The following NPHP3 variants were observed in gnomAD, a reference collection of about 807,000 sequenced individuals.
NPHP3 encodes the protein nephrocystin 3, also known as nephrocystin-3.
NPHP3 carries 123 observed loss-of-function variants against 171.9 expected under a neutral mutation model. The ratio of observed to expected loss-of-function variants is 0.72; its 90% confidence interval spans 0.62 to 0.83. The LOEUF is 0.83. Among genes scored for constraint, NPHP3 ranks in the 40% least tolerant of loss-of-function variants. The probability of loss-of-function intolerance (pLI) is 0.00; values close to 1 mark genes in which losing one functional copy is unlikely to be tolerated. For missense variants in NPHP3, 1,506 were observed against 1,591.9 expected, an observed-to-expected ratio of 0.95 and a Z score of 0.92; for synonymous variants, 558 against 579.2, an observed-to-expected ratio of 0.96 and a Z score of 0.52.
At chr3:132,686,222 T>C in intron 23 of NPHP3, 38 bp downstream of exon 23, 1 of 1,599,136 alleles carries the variant, frequency 6.3e-7, no homozygotes, top group East Asian at 2.2e-5. Flanking sequence ...AAAGAGAAAA[T>C]GGTTAATTAT....
At chr3:132,684,962 C>T (rs1192075489) in intron 23 of NPHP3, 168 bp from the exon 24 acceptor site, 1 of 736,962 alleles carries the variant, frequency 1.4e-6, no homozygotes, top group Non-Finnish European at 2.2e-6. Context: ...CCTATCTCTT[C>T]CTGCCCTTTT....
In NPHP3 at chr3:132,700,405, A is replaced by T; in HGVS notation, c.1672T>A (p.Ser558Thr). 1 of 1,613,416 alleles carries T rather than the reference A, an allele frequency of 6.2e-7. No homozygotes were observed. The highest frequency in any genetic ancestry group is 8.5e-7 in the Non-Finnish European group (1 of 1,179,596). The change falls in exon 11 of 27, where the codon TCC (serine) becomes ACC (threonine). Residue 558 changes from serine (S) to threonine (T), a missense_variant. Physicochemically the swap from Ser to Thr is moderately conservative, Grantham distance 58. Around this residue, in one of 3 missense-constraint regions of NPHP3, gnomAD observed 930 missense variants for 924.9 expected, o/e 1.01. Coordinates refer to ENST00000337331, the MANE Select transcript of NPHP3 (RefSeq NM_153240.5). ...GACATGGGCCTTCCCACAAAATGGG[A>T]AAGAATCAGTGTGTTGGGGGAATTC... ...QKNSPNTLIL[S>T]HFVGRPMSTS...
chr3:132,685,967 C>T, intron 23 of NPHP3: 1 of 341,860 alleles, frequency 2.9e-6, no homozygotes, highest in South Asian at 2.5e-5. Flanking sequence ...AGGAGAATAG[C>T]TTGAATGGGA....
In NPHP3 at chr3:132,701,547, T is replaced by A. The variant is rs757558245; in HGVS notation, c.1525-14A>T. ...GCGTTGGTAATACTAGAAAAAAAAATGAATTTACATTGTAAGGAAGCACAT... is the reference window on the plus strand; with the variant it reads ...GCGTTGGTAATACTAGAAAAAAAAAAGAATTTACATTGTAAGGAAGCACAT... On this transcript the variant is annotated splice_polypyrimidine_tract_variant and intron_variant, in intron 9 of 26. Coordinates refer to ENST00000337331, the MANE Select transcript of NPHP3 (RefSeq NM_153240.5). 2.0e-6 allele frequency: 3 copies of A among 1,526,832 alleles called. No homozygotes were observed. The highest frequency in any genetic ancestry group is 4.5e-5 in the East Asian group (2 of 44,376). The allele number at this position is 1,526,832 out of a possible 1,614,324, so 94.6% of individuals were successfully genotyped here.
chr3:132,682,009 C>A lies in NPHP3; in HGVS notation c.3894G>T (p.Leu1298Phe), dbSNP rs139304871. 6 of 1,614,018 alleles carry A rather than the reference C, an allele frequency of 3.7e-6. No homozygotes were observed. Among genetic ancestry groups the A allele is most frequent in the Non-Finnish European group, 4.2e-6 (5 of 1,179,882 alleles). The change falls in exon 27 of 27, where the codon TTG (leucine) becomes TTT (phenylalanine). Residue 1298 changes from leucine to phenylalanine, a missense_variant. By Grantham distance (22) the Leu-to-Phe change is conservative (BLOSUM62 0). Around this residue, in one of 3 missense-constraint regions of NPHP3, gnomAD observed 569 missense variants for 648.1 expected, o/e 0.88. Coordinates refer to ENST00000337331, the MANE Select transcript of NPHP3 (RefSeq NM_153240.5). Reference sequence around the variant, plus strand: ...AATGGCGTGAAGGAGCTTTTCCACCCAAGAGTGATGTTTCTGCTTCTTTTA... The same window carrying A: ...AATGGCGTGAAGGAGCTTTTCCACCAAAGAGTGATGTTTCTGCTTCTTTTA... ...MEIKEAETSL[L>F]GGKAPSRHSS...
At chr3:132,695,973 A>G (rs1035832344) in intron 15 of NPHP3, among the ~76,000 whole-genome samples, 1 of 152,164 alleles carries the variant, frequency 6.6e-6, no homozygotes, top group Non-Finnish European at 1.5e-5. Context: ...TGGGCAATGT[A>G]AAGTTTCAGA....
At position 132,687,502 on chromosome 3, in the gene NPHP3, T is replaced by C. The variant is rs112490511; in HGVS notation, c.3126-276A>G. On this transcript the variant is annotated intron_variant, in intron 21 of 26. Transcript: ENST00000337331. ...TTTTGACAAAACAAAGCAAGTCTAGTCCTTTAAGTAGCTGACATCTGATCA... is the reference window on the plus strand; with the variant it reads ...TTTTGACAAAACAAAGCAAGTCTAGCCCTTTAAGTAGCTGACATCTGATCA... Among the ~76,000 whole-genome samples, 2,390 of 152,294 alleles carry C rather than the reference T, an allele frequency of 0.016. 18 individuals are homozygous for C. Among genetic ancestry groups the C allele is most frequent in the South Asian group, 0.048 (232 of 4,832 alleles).
At position 132,704,281 on chromosome 3, in the gene NPHP3, G is replaced by C; in HGVS notation, c.1441C>G (p.Leu481Val). 2 of 1,614,138 alleles carry C rather than the reference G, an allele frequency of 1.2e-6. No homozygotes were observed. The highest frequency in any genetic ancestry group is 1.7e-6 in the Non-Finnish European group (2 of 1,180,012). ...IPEEDDFGDV[L>V]WDIHDEQEQM... ...TCTTGTTCATCATGTATGTCCCACA[G>C]AACATCACCAAAATCATCTTCTTCT... Residue 481 changes from leucine to valine, a missense_variant, in exon 9 of 27, where the codon CTG becomes GTG. Transcript: ENST00000337331.
chr3:132,722,089 G>T lies in NPHP3; in HGVS notation c.267C>A (p.Ala89=). 2 of 1,610,038 alleles carry T rather than the reference G, an allele frequency of 1.2e-6. No homozygotes were observed. The highest frequency in any genetic ancestry group is 1.7e-6 in the Non-Finnish European group (2 of 1,179,822). ...ACTCCTTCCTGAGCCGCTCGTACTC[G>T]GCCGCCGCGTACTCCAGCTCTGGCA... The part of the protein sequence containing the change: ...SSVPELEYAA[A]EYERLRKEYE... Residue 89 remains alanine, a synonymous_variant, in exon 1 of 27, where the codon GCC becomes GCA. Coordinates refer to ENST00000337331, the MANE Select transcript of NPHP3 (RefSeq NM_153240.5).
chr3:132,701,943 G>A (rs1432484325), intron 9 of NPHP3, among the ~76,000 whole-genome samples: 3 of 152,110 alleles, frequency 2.0e-5, no homozygotes, highest in Non-Finnish European at 4.4e-5. Flanking sequence ...AGAGAATGGC[G>A]TGAACCCGGG....
intron 7 of NPHP3, among the ~76,000 whole-genome samples, chr3:132,706,363 A>C (rs183322278): frequency 1.6e-3 from 243 of 151,866 alleles, no homozygotes; most frequent in East Asian, 8.3e-3. Flanking sequence ...TGTCTCAAAA[A>C]AAAAAACAAA....
intron 6 of NPHP3, chr3:132,712,487 C>A (rs1299854024): frequency 2.2e-6 from 1 of 456,702 alleles, no homozygotes. Flanking sequence ...CACGAATGGG[C>A]CAGGTGTGTT....
At chr3:132,719,676 C>G in intron 2 of NPHP3, 29 bp downstream of exon 2, 1 of 1,469,776 alleles carries the variant, frequency 6.8e-7, no homozygotes. Flanking sequence ...TTCTATGTTG[C>G]TTTGGGGGTA....
intron 26 of NPHP3, 125 bp from the exon 27 acceptor site, chr3:132,682,215 A>T (rs145522347): frequency 1.2e-6 from 1 of 836,432 alleles, no homozygotes; most frequent in Non-Finnish European, 2.0e-6. Context: ...TTTCCAGTGT[A>T]TTCACTCAAG....
Position 132,682,095 on chromosome 3 carries a change from G to C in NPHP3, c.3813-5C>G, listed in dbSNP as rs1466846119. ...TCAAAATCTCCTCCTTCATAGCTTT[G>C]AGAGAGAAAACAAAAACTCTTAAAA... On this transcript the variant is annotated splice_polypyrimidine_tract_variant and splice_region_variant and intron_variant, in intron 26 of 26. Transcript: ENST00000337331. 1 of 1,612,596 alleles carries C rather than the reference G, an allele frequency of 6.2e-7. No individual in the cohort carries two copies. Among genetic ancestry groups the C allele is most frequent in the Admixed American group, 1.7e-5 (1 of 60,002 alleles).
At position 132,719,074 on chromosome 3, in the gene NPHP3, A is replaced by C. The variant is rs757401076; in HGVS notation, c.590T>G (p.Leu197Arg). 1.6e-5 allele frequency: 26 copies of C among 1,613,922 alleles called. No homozygotes were observed. The highest frequency in any genetic ancestry group is 2.1e-5 in the Non-Finnish European group (25 of 1,179,950). ...LRAKRELESK[L>R]QRLQAQGIQV... ...GATACCCTGAGCCTGTAGCCTCTGAAGTTTGCTCTCCAACTCCCTCTTGGC... is the reference window on the plus strand; with the variant it reads ...GATACCCTGAGCCTGTAGCCTCTGACGTTTGCTCTCCAACTCCCTCTTGGC... Residue 197 changes from leucine (L) to arginine (R), a missense_variant, in exon 3 of 27, where the codon CTT becomes CGT. Around this residue, in one of 3 missense-constraint regions of NPHP3, gnomAD observed 930 missense variants for 924.9 expected, o/e 1.01. Transcript: ENST00000337331.
chr3:132,720,438 A>G (rs1940176422), intron 1 of NPHP3, among the ~76,000 whole-genome samples: 1 of 151,962 alleles, frequency 6.6e-6, no homozygotes, highest in South Asian at 2.1e-4. Flanking sequence ...GGCCTTTTCT[A>G]CCCCCACCTC....
Position 132,696,766 on chromosome 3 carries a change from G to A in NPHP3, c.2136C>T (p.Ala712=), listed in dbSNP as rs1939464043. The A allele has an allele frequency of 6.8e-6, 11 of 1,613,954 alleles. No individual in the cohort carries two copies. The highest frequency in any genetic ancestry group is 9.3e-6 in the Non-Finnish European group (11 of 1,180,006). The change falls in exon 15 of 27, where the codon GCC becomes GCT. Residue 712 remains alanine, a synonymous_variant. Coordinates refer to ENST00000337331, the MANE Select transcript of NPHP3 (RefSeq NM_153240.5). ...TTTTGCCGAAAAGGGTGACATAAAG[G>A]GCATTGCAGGTTGTAGCAGAACGAC... ...RHCRSATTCN[A]LYVTLFGKMI...
At chr3:132,709,387 A>T (rs1939848779) in intron 6 of NPHP3, among the ~76,000 whole-genome samples, 1 of 144,836 alleles carries the variant, frequency 6.9e-6, no homozygotes, top group East Asian at 2.1e-4. Context: ...GGCTCAAGCG[A>T]TCCTCCCACC....
Sources: allele counts gnomAD v4.1 joint callset (sites outside exome capture counted in the v4.1 genomes callset), GRCh38; gene constraint gnomAD v4.1.1; regional missense constraint gnomAD v4.1.1; transcripts MANE v1.5; gene names NCBI Gene and HGNC (gene_info 2026-07-23, HGNC 2026-07-21).